Variants in PIP4K2A observed in about 807,000 individuals in gnomAD.
The protein encoded by PIP4K2A is phosphatidylinositol-5-phosphate 4-kinase type 2 alpha, also known as phosphatidylinositol 5-phosphate 4-kinase type-2 alpha.
In PIP4K2A, 14 loss-of-function variants were observed where a neutral mutation model predicts 42.9. The ratio of observed to expected loss-of-function variants is 0.33; its 90% CI spans 0.22 to 0.51. PIP4K2A has a LOEUF of 0.51. Ranked by LOEUF, PIP4K2A falls within the 20% of genes least tolerant of loss-of-function variation. The pLI is 0.97. For missense variants in PIP4K2A, 434 were observed against 519.8 expected (o/e 0.83, Z 1.61); for synonymous variants, 192 against 192.2 (o/e 1.00, Z 0.01).
chr10:22,646,845 T>C (rs1438680559), intron 1 of PIP4K2A, among the ~76,000 whole-genome samples: 1 of 152,160 alleles, frequency 6.6e-6, no homozygotes, highest in Admixed American at 6.5e-5. Context: ...ATATATCCTT[T>C]TCCTTAATTA....
chr10:22,540,143 A>G, intron 8 of PIP4K2A, 69 bp from the exon 9 acceptor site: 4 of 515,684 alleles, frequency 7.8e-6, no homozygotes, highest in East Asian at 5.6e-5. Context: ...CTGCTGAGGG[A>G]GGGAGGGAGG....
rs1270966953 is a variant in PIP4K2A at position 22,591,776 on chromosome 10, G to A, written c.345C>T (p.Ser115=). Residue 115 remains serine, a synonymous_variant, in exon 4 of 10, where the codon TCC becomes TCT. Coordinates refer to ENST00000376573, the MANE Select transcript of PIP4K2A (RefSeq NM_005028.5). ...FGIDDQDFQN[S]LTRSAPLPND... is the part of the protein sequence containing the mutation. ...TGGGGAGGGGTGCGCTCCTGGTCAG[G>A]GAATTCTTCCCGGGTGGGGTAAGAG... 6.2e-7 allele frequency: 1 copy of A among 1,609,122 alleles called. No homozygotes were observed. Among genetic ancestry groups the A allele is most frequent in the Non-Finnish European group, 8.5e-7 (1 of 1,177,242 alleles).
At chr10:22,555,979 G>C (rs1010372354) in intron 6 of PIP4K2A, among the ~76,000 whole-genome samples, 1 of 151,732 alleles carries the variant, frequency 6.6e-6, no homozygotes, top group African/African-American at 2.4e-5. Flanking sequence ...ATTCAAAGCC[G>C]TCCTGGGCCC....
rs189628922 is a variant in PIP4K2A, at chr10:22,535,715, C to G, written c.*1486G>C. On this transcript the variant is annotated 3_prime_UTR_variant, in exon 10 of 10. Transcript: ENST00000376573. ...TCTAAGCAAGACTAATATTTAAGCT[C>G]AATGCCTTTTGGAAAATGCAGGAGA... 5.8e-6 allele frequency: 1 copy of G among 172,488 alleles called. No individual in the cohort carries two copies. Among genetic ancestry groups the G allele is most frequent in the East Asian group, 1.5e-4 (1 of 6,534 alleles). The allele number at this position is 172,488 out of a possible 1,614,324, so 10.7% of individuals were successfully genotyped here.
intron 1 of PIP4K2A, among the ~76,000 whole-genome samples, chr10:22,625,743 C>T (rs376474377): frequency 6.6e-6 from 1 of 152,182 alleles, no homozygotes. Context: ...AGGCAGGAGG[C>T]AGGGCCACGA....
At chr10:22,656,066 C>A (rs1428715237) in intron 1 of PIP4K2A, among the ~76,000 whole-genome samples, 1 of 152,192 alleles carries the variant, frequency 6.6e-6, no homozygotes. Flanking sequence ...ACCTCAATGA[C>A]CCCAGACCTT....
Position 22,664,214 on chromosome 10 carries a change from T to C in PIP4K2A, c.144+49969A>G, listed in dbSNP as rs576792321. Among the ~76,000 whole-genome samples the C allele has an allele frequency of 3.7e-3, 190 of 51,996 alleles. 14 individuals carry two copies. Among genetic ancestry groups the C allele is most frequent in the African/African-American group, 0.019 (176 of 9,362 alleles). The allele number at this position is 51,996 out of a possible 152,430, so 34.1% of individuals were successfully genotyped here. ...ATACATATATATATACATATATATA[T>C]ATACATATATATATACACACACACA... is the stretch of plus-strand genomic sequence containing the variant. On this transcript the variant is annotated intron_variant, in intron 1 of 9. Coordinates refer to ENST00000376573, the MANE Select transcript of PIP4K2A (RefSeq NM_005028.5).
Position 22,539,926 on chromosome 10 carries a change from AGAGAGG to A in PIP4K2A, c.1140+39_1140+44del, listed in dbSNP as rs774474868. ...GAGAGAGAGAGGGAGAGAGAGAGAG[AGAGAGG>A]GAGAGAAAGAGAGAAGGAAACAAAA... On this transcript the variant is annotated intron_variant, in intron 9 of 9. Coordinates refer to ENST00000376573, the MANE Select transcript of PIP4K2A (RefSeq NM_005028.5). 294 of 983,454 alleles carry A rather than the reference AGAGAGG, an allele frequency of 3.0e-4. 2 individuals carry two copies. The highest frequency in any genetic ancestry group is 4.2e-4 in the Middle Eastern group (2 of 4,736). The allele number at this position is 983,454 out of a possible 1,614,324, so 60.9% of individuals were successfully genotyped here.
chr10:22,553,972 C>CA (rs1836473449), intron 6 of PIP4K2A, among the ~76,000 whole-genome samples: 1 of 151,724 alleles, frequency 6.6e-6, no homozygotes, highest in South Asian at 2.1e-4. Flanking sequence ...TCCATCTCTA[C>CA]AAAAAAGTAA....
At chr10:22,705,918 G>A (rs1210037747) in intron 1 of PIP4K2A, among the ~76,000 whole-genome samples, 2 of 151,948 alleles carry the variant, frequency 1.3e-5, no homozygotes, top group African/African-American at 4.8e-5. Flanking sequence ...GTTCTGCAGG[G>A]CTGGGGAGAC....
intron 4 of PIP4K2A, among the ~76,000 whole-genome samples, chr10:22,584,490 CAGA>C (rs1415458936): frequency 2.0e-5 from 3 of 152,076 alleles, no homozygotes; most frequent in African/African-American, 7.2e-5. Context: ...GCTGGAGAAA[CAGA>C]AGGGGAGAGG....
intron 1 of PIP4K2A, among the ~76,000 whole-genome samples, chr10:22,677,582 T>C (rs971689633): frequency 6.6e-6 from 1 of 152,194 alleles, no homozygotes; most frequent in Non-Finnish European, 1.5e-5. Context: ...TCTGAGAGGA[T>C]GAATGTGGAA....
At chr10:22,610,203 A>G (rs1383295923) in intron 1 of PIP4K2A, among the ~76,000 whole-genome samples, 2 of 152,240 alleles carry the variant, frequency 1.3e-5, no homozygotes, top group Admixed American at 1.3e-4. Flanking sequence ...GTTTAAAAAT[A>G]AAGATTGGGG....
chr10:22,675,976 C>T lies in PIP4K2A; in HGVS notation c.144+38207G>A, dbSNP rs182273128. On this transcript the variant is annotated intron_variant, in intron 1 of 9. Transcript: ENST00000376573. Reference sequence around the variant, plus strand: ...GCTAGTATTTCTCAACAACCATTAACAGGGAAACAGACACACTGTTGCCAT... The same window carrying T: ...GCTAGTATTTCTCAACAACCATTAATAGGGAAACAGACACACTGTTGCCAT... 3.1e-4 allele frequency among the ~76,000 whole-genome samples: 47 copies of T among 152,344 alleles called. No homozygotes were observed. The East Asian group carries it at 5.0e-3, about 16-fold the overall frequency.
chr10:22,601,870 G>A (rs1837788479), intron 3 of PIP4K2A, among the ~76,000 whole-genome samples: 1 of 152,158 alleles, frequency 6.6e-6, no homozygotes, highest in Admixed American at 6.5e-5. Context: ...CTCCCTCTGT[G>A]ACCCGCATCC....
intron 1 of PIP4K2A, among the ~76,000 whole-genome samples, chr10:22,655,488 T>C (rs982707074): frequency 2.6e-5 from 4 of 152,254 alleles, no homozygotes; most frequent in African/African-American, 9.6e-5. Flanking sequence ...AGTTCACAGC[T>C]GTGCGGTCTT....
intron 1 of PIP4K2A, among the ~76,000 whole-genome samples, chr10:22,697,726 G>A (rs938098962): frequency 6.0e-5 from 9 of 149,830 alleles, no homozygotes; most frequent in East Asian, 1.9e-4. Context: ...ACTGCATCTC[G>A]GAAAATTTTT....
chr10:22,678,569 C>A (rs139715191), intron 1 of PIP4K2A, among the ~76,000 whole-genome samples: 31 of 152,236 alleles, frequency 2.0e-4, no homozygotes, highest in African/African-American at 7.2e-4. Flanking sequence ...AATGTGAAGG[C>A]AACCCAGCTT....
chr10:22,621,186 T>C (rs1473499951), intron 1 of PIP4K2A, among the ~76,000 whole-genome samples: 2 of 152,216 alleles, frequency 1.3e-5, no homozygotes, highest in African/African-American at 4.8e-5. Flanking sequence ...CTGGGGGATC[T>C]TGAGGCCAGC....
Sources: allele counts gnomAD v4.1 joint callset (sites outside exome capture counted in the v4.1 genomes callset), GRCh38; gene constraint gnomAD v4.1.1; transcripts MANE v1.5; gene names NCBI Gene and HGNC (gene_info 2026-07-23, HGNC 2026-07-21).